MPHOSPH9: variants seen among roughly 807,000 people sequenced by gnomAD.
The protein encoded by MPHOSPH9 is M-phase phosphoprotein 9.
In MPHOSPH9, 88 loss-of-function variants were observed where a neutral mutation model predicts 145.5. That is an observed-to-expected ratio of 0.60 (90% CI 0.51 to 0.72). MPHOSPH9 has a LOEUF of 0.72. MPHOSPH9 is among the 30% of genes least tolerant of loss of function. The pLI is 0.00. For missense variants in MPHOSPH9, 1,238 were observed against 1,386.6 expected, an observed-to-expected ratio of 0.89 and a Z score of 1.70; for synonymous variants, 435 against 486.2, an observed-to-expected ratio of 0.89 and a Z score of 1.39.
upstream of MPHOSPH9, among the ~76,000 whole-genome samples, chr12:123,237,323 A>G (rs1267030199): frequency 2.0e-5 from 3 of 151,860 alleles, no homozygotes; most frequent in South Asian, 2.1e-4. Flanking sequence ...CCAGATACTC[A>G]GGAGGCTGAG....
intron 21 of MPHOSPH9, 115 bp downstream of exon 21, chr12:123,161,997 CCTT>C (rs1203209605): frequency 1.8e-6 from 1 of 551,468 alleles, no homozygotes; most frequent in African/African-American, 1.9e-5. Flanking sequence ...TTTCAGACGC[CCTT>C]GAGTGGGAAA....
chr12:123,228,339 A>G (rs1339996731), intron 2 of MPHOSPH9, among the ~76,000 whole-genome samples: 1 of 152,208 alleles, frequency 6.6e-6, no homozygotes, highest in Non-Finnish European at 1.5e-5. Flanking sequence ...ATTTGTTTAA[A>G]AAAATAAATA....
intron 11 of MPHOSPH9, among the ~76,000 whole-genome samples, chr12:123,199,950 T>C (rs1318364685): frequency 2.6e-5 from 4 of 152,174 alleles, no homozygotes; most frequent in Non-Finnish European, 5.9e-5. Flanking sequence ...TCCTAACCAC[T>C]GTGCATTAAT....
chr12:123,197,990 A>G (rs1351327921), intron 12 of MPHOSPH9, among the ~76,000 whole-genome samples: 3 of 151,396 alleles, frequency 2.0e-5, no homozygotes, highest in Non-Finnish European at 4.4e-5. Context: ...AGGCTGAGGC[A>G]GGAGAATGGC....
intron 2 of MPHOSPH9, among the ~76,000 whole-genome samples, chr12:123,229,213 G>C (rs945827214): frequency 6.6e-6 from 1 of 152,118 alleles, no homozygotes; most frequent in African/African-American, 2.4e-5. Context: ...CAAAACCGCT[G>C]TTTTCCTTCC....
chr12:123,211,114 A>T (rs1020306145), intron 7 of MPHOSPH9, among the ~76,000 whole-genome samples: 4 of 150,658 alleles, frequency 2.7e-5, no homozygotes, highest in Admixed American at 6.7e-5. Flanking sequence ...CCTCCTGAGT[A>T]GCTGAGGTTA....
intron 7 of MPHOSPH9, among the ~76,000 whole-genome samples, chr12:123,213,105 C>T (rs1297719897): frequency 2.6e-5 from 4 of 151,968 alleles, no homozygotes; most frequent in Non-Finnish European, 4.4e-5. Flanking sequence ...GTGATCCGCC[C>T]GACCTGGCCT....
intron 20 of MPHOSPH9, 94 bp downstream of exon 20, chr12:123,162,920 A>G (rs2044166617): frequency 8.1e-7 from 1 of 1,235,156 alleles, no homozygotes; most frequent in East Asian, 2.8e-5. Flanking sequence ...CCCACTGGTA[A>G]CTGAAAAATT....
chr12:123,196,421 C>T (rs1268321030), intron 12 of MPHOSPH9, among the ~76,000 whole-genome samples: 1 of 152,120 alleles, frequency 6.6e-6, no homozygotes, highest in Non-Finnish European at 1.5e-5. Context: ...CATACATATA[C>T]ACACTACTCT....
At chr12:123,222,990 G>A (rs536998218) in intron 4 of MPHOSPH9, 48 bp downstream of exon 4, 10 of 954,184 alleles carry the variant, frequency 1.0e-5, no homozygotes, top group Middle Eastern at 2.1e-4. Flanking sequence ...GTATATGTAC[G>A]TATGTATATG....
At chr12:123,189,257 C>A (rs1437192889) in intron 13 of MPHOSPH9, among the ~76,000 whole-genome samples, 1 of 152,140 alleles carries the variant, frequency 6.6e-6, no homozygotes, top group African/African-American at 2.4e-5. Context: ...GATTCCAGCT[C>A]CCAGTCCTTA....
At chr12:123,204,818 T>C (rs1045001570) in intron 8 of MPHOSPH9, among the ~76,000 whole-genome samples, 1 of 152,142 alleles carries the variant, frequency 6.6e-6, no homozygotes, top group Non-Finnish European at 1.5e-5. Context: ...GAGGTTGCAG[T>C]GAGTTGGGAT....
chr12:123,197,565 C>T (rs1265130432), intron 12 of MPHOSPH9, among the ~76,000 whole-genome samples: 3 of 151,938 alleles, frequency 2.0e-5, no homozygotes, highest in East Asian at 2.0e-4. Flanking sequence ...GGGTGGATCA[C>T]GAGGTCAGGC....
At chr12:123,203,420 A>G (rs748163082) in intron 8 of MPHOSPH9, 45 bp from the exon 9 acceptor site, 69 of 1,486,122 alleles carry the variant, frequency 4.6e-5, no homozygotes, top group Non-Finnish European at 5.6e-5. Flanking sequence ...CAATAATGAA[A>G]CAAATTAATG....
At chr12:123,165,536 C>G in intron 17 of MPHOSPH9, 59 bp from the exon 18 acceptor site, 7 of 1,438,400 alleles carry the variant, frequency 4.9e-6, no homozygotes, top group Non-Finnish European at 6.7e-6. Context: ...ATCTTGCCCC[C>G]CGCCCCCACA....
At chr12:123,191,492 C>T (rs897644325) in intron 13 of MPHOSPH9, among the ~76,000 whole-genome samples, 2 of 152,088 alleles carry the variant, frequency 1.3e-5, no homozygotes, top group African/African-American at 2.4e-5. Context: ...AGGGTTTTAC[C>T]GTGTTGGCCA....
At chr12:123,193,525 G>A (rs1299874787) in intron 13 of MPHOSPH9, among the ~76,000 whole-genome samples, 1 of 151,980 alleles carries the variant, frequency 6.6e-6, no homozygotes, top group Non-Finnish European at 1.5e-5. Context: ...TGGCACACAC[G>A]TGTAGACCCA....
intron 13 of MPHOSPH9, among the ~76,000 whole-genome samples, chr12:123,191,405 C>T (rs1218043617): frequency 6.6e-6 from 1 of 152,202 alleles, no homozygotes; most frequent in Non-Finnish European, 1.5e-5. Context: ...ATTCTCCTGC[C>T]TCAGCACCCT....
chr12:123,192,085 C>T (rs1312840955), intron 13 of MPHOSPH9, among the ~76,000 whole-genome samples: 1 of 152,154 alleles, frequency 6.6e-6, no homozygotes, highest in Non-Finnish European at 1.5e-5. Context: ...TAGAAAAACA[C>T]ACCACAGTAC....
Sources: gnomAD v4.1 joint callset for allele counts (sites outside exome capture counted in the v4.1 genomes callset) on GRCh38, gnomAD v4.1.1 for gene constraint, MANE v1.5 for transcripts, NCBI Gene and HGNC (gene_info 2026-07-23, HGNC 2026-07-21) for gene names.